The following PCDH15 variants were observed in gnomAD, a reference collection of about 807,000 sequenced individuals.
The protein encoded by PCDH15 is protocadherin-15.
Under a neutral mutation model 178.5 loss-of-function variants are expected in PCDH15, and 129 were observed. The ratio of observed to expected loss-of-function variants is 0.72; its 90% CI spans 0.63 to 0.84. The LOEUF is 0.84. Among genes scored for constraint, PCDH15 ranks in the 40% least tolerant of loss-of-function variants. PCDH15 has a pLI of 0.00. For synonymous variants in PCDH15, 800 were observed against 732.0 expected (o/e 1.09, Z -1.50); for missense variants, 2,230 against 2,099.9 (o/e 1.06, Z -1.21).
intron 28 of PCDH15, among the ~76,000 whole-genome samples, chr10:53,854,462 A>G (rs961195848): frequency 6.6e-6 from 1 of 151,922 alleles, no homozygotes; most frequent in Non-Finnish European, 1.5e-5. Context: ...TGCTTAATAA[A>G]CTCGCAGATT....
At chr10:54,555,575 C>CA (rs35998779) in intron 2 of PCDH15, among the ~76,000 whole-genome samples, 82,417 of 143,710 alleles carry the variant, frequency 0.57, 24,565 homozygotes, top group East Asian at 0.85. Context: ...ACTAAAAATA[C>CA]AAAAAAAAAA....
In PCDH15 at chr10:53,805,784, C is replaced by A. The variant is rs1841110999; in HGVS notation, c.*795G>T. 1 of 152,112 alleles carries A rather than the reference C, an allele frequency of 6.6e-6. No individual in the cohort carries two copies. The highest frequency in any genetic ancestry group is 2.4e-5 in the African/African-American group (1 of 41,434). 9.4% of individuals were successfully genotyped at this position (152,112 alleles called of 1,614,324 possible). A position where few individuals can be genotyped will look rare whatever the true frequency, so the allele number is the denominator to read the frequency against. On this transcript the variant is annotated 3_prime_UTR_variant, in exon 38 of 38. Coordinates refer to ENST00000644397, the MANE Select transcript of PCDH15 (RefSeq NM_001384140.1). ...TTACTGCTTACTCGAACCTTTCTCA[C>A]TTCCCTAAAAGCTTTTGCTAAGGGT...
rs1228390781 is a variant in PCDH15 at position 55,075,832 on chromosome 10, T to A, written c.-80+90744A>T. On this transcript the variant is annotated intron_variant, in intron 2 of 5. Transcript: ENST00000458638. ...AGTTTCTTGAGTTGCATGATTAGAT[T>A]TTTATTTGAAGTCTCTTTATTTTTG... Among the ~76,000 whole-genome samples the A allele has an allele frequency of 3.3e-5, 5 of 152,154 alleles. No individual in the cohort carries two copies. The East Asian group carries it at 9.6e-4, about 29-fold the overall frequency.
intron 24 of PCDH15, 43 bp from the exon 25 acceptor site, chr10:53,938,998 A>G: frequency 6.3e-7 from 1 of 1,583,498 alleles, no homozygotes; most frequent in Admixed American, 1.7e-5. Context: ...TCTTTACGCT[A>G]TAAGGAAAGA....
chr10:53,899,621 C>G (rs904533333), intron 26 of PCDH15, among the ~76,000 whole-genome samples: 3 of 152,168 alleles, frequency 2.0e-5, no homozygotes, highest in Non-Finnish European at 4.4e-5. Context: ...GATGATCTAC[C>G]ATTACCTAAT....
intron 37 of PCDH15, chr10:53,809,552 A>G: frequency 6.2e-7 from 1 of 1,605,074 alleles, no homozygotes; most frequent in Non-Finnish European, 8.5e-7. Context: ...TCTTCCTGAA[A>G]ATTGTGAAAA....
At chr10:54,164,018 G>A (rs184989479) in intron 13 of PCDH15, among the ~76,000 whole-genome samples, 9 of 152,206 alleles carry the variant, frequency 5.9e-5, no homozygotes, top group Middle Eastern at 3.4e-3. Flanking sequence ...TACCTTTGGC[G>A]AAGTTTGGAC....
chr10:54,027,658 T>G (rs1431508741), intron 18 of PCDH15, among the ~76,000 whole-genome samples: 1 of 148,692 alleles, frequency 6.7e-6, no homozygotes, highest in African/African-American at 2.5e-5. Flanking sequence ...CTATCTGATC[T>G]TTGACAAACC....
intron 2 of PCDH15, among the ~76,000 whole-genome samples, chr10:54,928,970 G>C (rs991745498): frequency 6.6e-6 from 1 of 152,166 alleles, no homozygotes; most frequent in Non-Finnish European, 1.5e-5. Context: ...TTGATGGAAA[G>C]GTGATGTGGT....
chr10:54,208,237 C>G (rs2051031650), intron 10 of PCDH15, among the ~76,000 whole-genome samples: 2 of 151,970 alleles, frequency 1.3e-5, no homozygotes, highest in Admixed American at 1.3e-4. Context: ...GTGATTTTCT[C>G]TAAAATGTGT....
Position 54,137,963 on chromosome 10 carries a change from G to T in PCDH15, c.1785-4956C>A, listed in dbSNP as rs1055059926. Among the ~76,000 whole-genome samples, 51 of 151,918 alleles carry T rather than the reference G, an allele frequency of 3.4e-4. 1 individual carries two copies. Among genetic ancestry groups the T allele is most frequent in the African/African-American group, 1.1e-3 (45 of 41,342 alleles). On this transcript the variant is annotated intron_variant, in intron 14 of 37. Transcript: ENST00000644397. ...CCCAATTTTCACTGGAGGTGTTTTG[G>T]TTTTTTTCTGGCCCCACAGCAGCTA...
At chr10:54,729,807 C>T (rs67410413) in intron 1 of PCDH15, among the ~76,000 whole-genome samples, 18,489 of 151,436 alleles carry the variant, frequency 0.12, 1,258 homozygotes, top group African/African-American at 0.17. Context: ...AAAACATTCT[C>T]ATCATCAATA....
intron 3 of PCDH15, among the ~76,000 whole-genome samples, chr10:54,831,181 G>A (rs1452858578): frequency 1.3e-5 from 2 of 151,958 alleles, no homozygotes; most frequent in Non-Finnish European, 2.9e-5. Context: ...AAAGATACAT[G>A]TAAGATAATT....
At chr10:54,028,044 T>C (rs1428683028) in intron 18 of PCDH15, among the ~76,000 whole-genome samples, 2 of 151,216 alleles carry the variant, frequency 1.3e-5, no homozygotes, top group African/African-American at 4.8e-5. Context: ...CCTACTCATC[T>C]GACAAAGGGC....
intron 2 of PCDH15, among the ~76,000 whole-genome samples, chr10:55,596,606 TA>T: frequency 6.6e-6 from 1 of 152,184 alleles, no homozygotes; most frequent in South Asian, 2.1e-4. Flanking sequence ...TTCAAAGTAT[TA>T]AAAAAGTAAG....
chr10:54,580,375 A>G (rs2090925958), intron 2 of PCDH15, among the ~76,000 whole-genome samples: 1 of 152,114 alleles, frequency 6.6e-6, no homozygotes, highest in African/African-American at 2.4e-5. Context: ...GGAAATTGAT[A>G]CATTCATGAA....
At chr10:55,324,438 T>A (rs1843979974), upstream of PCDH15, among the ~76,000 whole-genome samples, 1 of 152,124 alleles carries the variant, frequency 6.6e-6, no homozygotes, top group Non-Finnish European at 1.5e-5. Context: ...GCAAGAGTTG[T>A]TATTCAAATT....
chr10:55,373,136 T>C (rs1027240874), intron 2 of PCDH15, among the ~76,000 whole-genome samples: 2 of 152,092 alleles, frequency 1.3e-5, no homozygotes, highest in Non-Finnish European at 2.9e-5. Context: ...AATAACTATG[T>C]TGAAAATTCT....
At chr10:55,324,930 T>C (rs928519198) in intron 2 of PCDH15, among the ~76,000 whole-genome samples, 1 of 151,922 alleles carries the variant, frequency 6.6e-6, no homozygotes, top group Non-Finnish European at 1.5e-5. Context: ...ACCAAGAATA[T>C]CCAACCTGAG....
Sources: gnomAD v4.1 joint callset for allele counts (sites outside exome capture counted in the v4.1 genomes callset) on GRCh38, gnomAD v4.1.1 for gene constraint, MANE v1.5 for transcripts, NCBI Gene and HGNC (gene_info 2026-07-23, HGNC 2026-07-21) for gene names.